The following ZFC3H1 variants were observed in gnomAD, a reference collection of about 807,000 sequenced individuals.
ZFC3H1 encodes the protein zinc finger C3H1 domain-containing protein.
Under a neutral mutation model 243.7 loss-of-function variants are expected in ZFC3H1, and 71 were observed. The observed-to-expected ratio is 0.29, with a 90% CI of 0.24 to 0.36. The LOEUF is 0.36. ZFC3H1 is among the 10% of genes least tolerant of loss of function. The pLI is 1.00. For synonymous variants in ZFC3H1, 838 were observed against 813.0 expected (o/e 1.03, Z -0.52); for missense variants, 1,966 against 2,317.1 (o/e 0.85, Z 3.11).
chr12:71,651,879 G>A (rs2137557033), intron 2 of ZFC3H1, among the ~76,000 whole-genome samples: 1 of 152,258 alleles, frequency 6.6e-6, no homozygotes, highest in South Asian at 2.1e-4. Flanking sequence ...TTAGAGCCAG[G>A]AGAACAAGTT....
intron 30 of ZFC3H1, 102 bp downstream of exon 30, chr12:71,614,433 C>T (rs1465360685): frequency 8.9e-7 from 1 of 1,119,868 alleles, no homozygotes; most frequent in Non-Finnish European, 1.2e-6. Context: ...AGAAAGTAGT[C>T]CTAGGAAAAG....
rs569125618 is a variant in ZFC3H1, at chr12:71,663,706, G to T, written c.-96C>A. ...CCTTCTTTCCTAACGGACTGGGTCGGTGCGGTCTTACCCTACTCGGACACC... is the reference window on the plus strand; with the variant it reads ...CCTTCTTTCCTAACGGACTGGGTCGTTGCGGTCTTACCCTACTCGGACACC... On this transcript the variant is annotated 5_prime_UTR_variant, in exon 1 of 35. Transcript: ENST00000378743. 3.1e-5 allele frequency: 45 copies of T among 1,440,654 alleles called. No individual in the cohort carries two copies. The highest frequency in any genetic ancestry group is 3.8e-5 in the Admixed American group (2 of 53,138). The allele number at this position is 1,440,654 out of a possible 1,614,324, so 89.2% of individuals were successfully genotyped here. A position where few individuals can be genotyped will look rare whatever the true frequency, so the allele number is the denominator to read the frequency against.
At position 71,645,084 on chromosome 12, in the gene ZFC3H1, CA is replaced by C. The variant is rs1388608712; in HGVS notation, c.1081-10del. ...TCATCTTCACCAAGTTTCTTTAAAG[CA>C]AAAAGAAAGAGCTAAAATTTTTTAA... On this transcript the variant is annotated splice_polypyrimidine_tract_variant and intron_variant, in intron 3 of 34. Coordinates refer to ENST00000378743, the MANE Select transcript of ZFC3H1 (RefSeq NM_144982.5). 1 of 1,579,854 alleles carries C rather than the reference CA, an allele frequency of 6.3e-7. No individual in the cohort carries two copies. Among genetic ancestry groups the C allele is most frequent in the Non-Finnish European group, 8.5e-7 (1 of 1,169,964 alleles).
At position 71,647,790 on chromosome 12, in the gene ZFC3H1, A is replaced by G; in HGVS notation, c.1039T>C (p.Leu347=). The G allele has an allele frequency of 6.9e-7, 1 of 1,448,778 alleles. No individual in the cohort carries two copies. Among genetic ancestry groups the G allele is most frequent in the Non-Finnish European group, 9.4e-7 (1 of 1,060,846 alleles). The allele number at this position is 1,448,778 out of a possible 1,614,324, so 89.7% of individuals were successfully genotyped here. A position where few individuals can be genotyped will look rare whatever the true frequency, so the allele number is the denominator to read the frequency against. Reference sequence around the variant, plus strand: ...TCTGAGGTACTAATTCTTCTTGTTAAATTTTGTTCTTTATCTTGTAATCCT... The same window carrying G: ...TCTGAGGTACTAATTCTTCTTGTTAGATTTTGTTCTTTATCTTGTAATCCT... ...SQGLQDKEQN[L]TRRISTSDIL... Residue 347 remains leucine, a synonymous_variant, in exon 3 of 35, where the codon TTA becomes CTA. Coordinates refer to ENST00000378743, the MANE Select transcript of ZFC3H1 (RefSeq NM_144982.5).
chr12:71,617,299 ACTCT>A (rs1168805717), intron 27 of ZFC3H1, among the ~76,000 whole-genome samples: 7 of 152,112 alleles, frequency 4.6e-5, no homozygotes, highest in South Asian at 2.1e-4. Context: ...GATGAAAAAG[ACTCT>A]CTAACAGAAA....
chr12:71,650,137 G>A (rs1880845146), intron 2 of ZFC3H1, among the ~76,000 whole-genome samples: 3 of 152,194 alleles, frequency 2.0e-5, no homozygotes, highest in African/African-American at 7.2e-5. Context: ...GCCGTGAGCC[G>A]AGATCACGCC....
Position 71,631,865 on chromosome 12 carries a change from A to T in ZFC3H1, c.3383T>A (p.Phe1128Tyr), listed in dbSNP as rs375942619. The T allele has an allele frequency of 1.9e-6, 3 of 1,613,606 alleles. No homozygotes were observed. In the African/African-American group the frequency reaches 4.0e-5, roughly 22 times the overall value. Residue 1128 changes from phenylalanine to tyrosine, a missense_variant, in exon 16 of 35, where the codon TTT becomes TAT. This residue lies in a region of ZFC3H1 where 1,383 missense variants were observed against 1,723.7 expected (regional missense o/e 0.80). Transcript: ENST00000378743. ...HGQEISVDVD[F>Y]VTAQSKTMEV... Reference sequence around the variant, plus strand: ...CATTGTTTTACTTTGTGCTGTGACAAAATCCACATCTACAGAAATCTCCTG... The same window carrying T: ...CATTGTTTTACTTTGTGCTGTGACATAATCCACATCTACAGAAATCTCCTG...
intron 3 of ZFC3H1, among the ~76,000 whole-genome samples, chr12:71,645,621 G>A (rs1880710523): frequency 6.6e-6 from 1 of 152,128 alleles, no homozygotes; most frequent in Admixed American, 6.5e-5. Flanking sequence ...AATCTATAGA[G>A]ATTTGCTTAC....
chr12:71,626,189 TAAG>T, intron 22 of ZFC3H1, 68 bp downstream of exon 22: 2 of 1,487,688 alleles, frequency 1.3e-6, no homozygotes, highest in Non-Finnish European at 1.8e-6. Context: ...TATCAATTTT[TAAG>T]ATGATCCAAA....
At chr12:71,612,177 C>G (rs751618262) in intron 31 of ZFC3H1, among the ~76,000 whole-genome samples, 1 of 151,098 alleles carries the variant, frequency 6.6e-6, no homozygotes, top group Non-Finnish European at 1.5e-5. Flanking sequence ...TGTTTCCCAC[C>G]CCAATTTTTT....
intron 4 of ZFC3H1, 63 bp downstream of exon 4, chr12:71,644,814 G>A: frequency 6.4e-7 from 1 of 1,556,914 alleles, no homozygotes; most frequent in Non-Finnish European, 8.7e-7. Context: ...GCAAAACTCT[G>A]TCTCAAAAAA....
chr12:71,657,834 A>T lies in ZFC3H1; in HGVS notation c.599-533T>A, dbSNP rs970776604. 6.6e-5 allele frequency among the ~76,000 whole-genome samples: 10 copies of T among 151,898 alleles called. No individual in the cohort carries two copies. In the South Asian group the frequency reaches 1.0e-3, roughly 16 times the overall value. On this transcript the variant is annotated intron_variant, in intron 1 of 34. Coordinates refer to ENST00000378743, the MANE Select transcript of ZFC3H1 (RefSeq NM_144982.5). ...TGAAACCCCATCTCTACTAAAAATT[A>T]AAAAATTAGCCAGGCGTGGTGGTGC...
intron 21 of ZFC3H1, among the ~76,000 whole-genome samples, chr12:71,627,166 A>G (rs1880191418): frequency 6.6e-6 from 1 of 152,110 alleles, no homozygotes; most frequent in Non-Finnish European, 1.5e-5. Context: ...CTATAAAGTT[A>G]TAATTATGAA....
At chr12:71,637,291 A>G (rs1880488664) in intron 7 of ZFC3H1, among the ~76,000 whole-genome samples, 1 of 152,204 alleles carries the variant, frequency 6.6e-6, no homozygotes. Flanking sequence ...AACATTTATT[A>G]ACTTCAAGGA....
At chr12:71,653,976 G>GC (rs1880954170) in intron 2 of ZFC3H1, among the ~76,000 whole-genome samples, 1 of 152,174 alleles carries the variant, frequency 6.6e-6, no homozygotes, top group African/African-American at 2.4e-5. Context: ...TAGTGCCACT[G>GC]CACTCCAGCC....
At chr12:71,624,375 C>A in intron 22 of ZFC3H1, 83 bp from the exon 23 acceptor site, 1 of 1,362,002 alleles carries the variant, frequency 7.3e-7, no homozygotes. Context: ...CATTAAGAAA[C>A]CATCTCATAG....
intron 2 of ZFC3H1, among the ~76,000 whole-genome samples, chr12:71,649,106 A>AAAAG (rs940044939): frequency 2.0e-5 from 3 of 151,432 alleles, no homozygotes; most frequent in African/African-American, 4.8e-5. Context: ...AAAAAAAAAA[A>AAAAG]AAAAGAAAAG....
chr12:71,612,227 TTTTTCTTTCTTAGAGTATGATCA>T (rs1208753960), intron 31 of ZFC3H1, among the ~76,000 whole-genome samples: 1 of 150,776 alleles, frequency 6.6e-6, no homozygotes, highest in East Asian at 1.9e-4. Context: ...TTTCCTGGTA[TTTTTCTTTCTTAGAGTATGATCA>T]GTCTTGAATG....
intron 19 of ZFC3H1, among the ~76,000 whole-genome samples, 161 bp from the exon 20 acceptor site, chr12:71,629,198 C>G (rs2137531760): frequency 6.6e-6 from 1 of 150,850 alleles, no homozygotes; most frequent in Non-Finnish European, 1.5e-5. Context: ...ACTCTGTCAC[C>G]CAGGCTGGAG....
Sources: gnomAD v4.1 joint callset for allele counts (sites outside exome capture counted in the v4.1 genomes callset) on GRCh38, gnomAD v4.1.1 for gene constraint, gnomAD v4.1.1 regional missense constraint, MANE v1.5 for transcripts, NCBI Gene and HGNC (gene_info 2026-07-23, HGNC 2026-07-21) for gene names.